Variants in MEI4 observed in about 807,000 individuals in gnomAD.
The protein encoded by MEI4 is meiotic double-stranded break formation protein 4, also known as meiosis-specific protein MEI4.
A neutral mutation model predicts 31.4 loss-of-function variants in MEI4; 27 were observed. The ratio of observed to expected loss-of-function variants is 0.86; its 90% confidence interval spans 0.63 to 1.19. MEI4 has a LOEUF of 1.19. Ranked by LOEUF, MEI4 falls within the 50% of genes most tolerant of loss-of-function variation. MEI4 has a pLI of 0.00. For missense variants in MEI4, 329 were observed against 398.9 expected (o/e 0.82, Z 1.49); for synonymous variants, 122 against 145.4 (o/e 0.84, Z 1.16).
At chr6:77,753,249 A>C (rs1051884419) in intron 2 of MEI4, among the ~76,000 whole-genome samples, 2 of 152,174 alleles carry the variant, frequency 1.3e-5, no homozygotes, top group Non-Finnish European at 2.9e-5. Flanking sequence ...AAAATAGACA[A>C]ATGGGATCTA....
intron 2 of MEI4, among the ~76,000 whole-genome samples, chr6:77,756,999 C>T (rs1330483520): frequency 6.6e-6 from 1 of 152,160 alleles, no homozygotes; most frequent in African/African-American, 2.4e-5. Flanking sequence ...TGGAAATGTA[C>T]AGAAGCTGGA....
chr6:77,865,331 G>A (rs948659332), intron 4 of MEI4, among the ~76,000 whole-genome samples: 1 of 152,072 alleles, frequency 6.6e-6, no homozygotes, highest in African/African-American at 2.4e-5. Flanking sequence ...TAGACTGCTA[G>A]CAAGACCAAT....
chr6:77,826,871 A>G (rs1769964696), intron 3 of MEI4, among the ~76,000 whole-genome samples: 3 of 152,172 alleles, frequency 2.0e-5, no homozygotes, highest in Non-Finnish European at 4.4e-5. Context: ...CACAGTTAAT[A>G]TAGGAAAATT....
chr6:77,880,397 A>AT (rs1012055865), intron 4 of MEI4, among the ~76,000 whole-genome samples: 9 of 151,404 alleles, frequency 5.9e-5, no homozygotes, highest in African/African-American at 1.7e-4. Context: ...CGCCTGGCTA[A>AT]TTTTTTTGTA....
intron 3 of MEI4, among the ~76,000 whole-genome samples, chr6:77,825,172 A>C (rs1348196941): frequency 1.3e-5 from 2 of 152,248 alleles, no homozygotes; most frequent in African/African-American, 4.8e-5. Context: ...TTATAAAATC[A>C]GAAGGCATAT....
At chr6:77,735,800 A>G (rs1428589482) in intron 2 of MEI4, among the ~76,000 whole-genome samples, 1 of 152,104 alleles carries the variant, frequency 6.6e-6, no homozygotes, top group African/African-American at 2.4e-5. Context: ...GGTGACGTAC[A>G]GATGGGTTTT....
chr6:77,750,090 A>C (rs549666853), intron 2 of MEI4, among the ~76,000 whole-genome samples: 1 of 152,334 alleles, frequency 6.6e-6, no homozygotes, highest in East Asian at 1.9e-4. Context: ...TGTCATCACC[A>C]AGCCTGCCTT....
At chr6:77,783,804 C>T (rs754018553) in intron 3 of MEI4, among the ~76,000 whole-genome samples, 3 of 151,992 alleles carry the variant, frequency 2.0e-5, no homozygotes, top group African/African-American at 7.2e-5. Context: ...CAAATCAGAA[C>T]ATTTGAACAG....
chr6:77,727,043 T>G (rs76954147), intron 2 of MEI4, among the ~76,000 whole-genome samples: 3,200 of 152,118 alleles, frequency 0.021, 141 homozygotes, highest in African/African-American at 0.073. Flanking sequence ...ACAATTACAA[T>G]TTTTTTTGGT....
At chr6:77,669,867 G>T (rs1401094777) in intron 1 of MEI4, among the ~76,000 whole-genome samples, 2 of 152,184 alleles carry the variant, frequency 1.3e-5, no homozygotes, top group African/African-American at 4.8e-5. Flanking sequence ...GGTGGAGCCT[G>T]CATTTTAACC....
intron 4 of MEI4, among the ~76,000 whole-genome samples, chr6:77,917,995 G>A (rs1480546681): frequency 1.3e-5 from 2 of 151,770 alleles, no homozygotes; most frequent in African/African-American, 4.8e-5. Flanking sequence ...TGGCTAGCCA[G>A]TTTTCCCATC....
At chr6:77,764,258 T>C (rs1768112854) in intron 3 of MEI4, among the ~76,000 whole-genome samples, 1 of 152,220 alleles carries the variant, frequency 6.6e-6, no homozygotes, top group Non-Finnish European at 1.5e-5. Flanking sequence ...TGTTGGCATA[T>C]AATTGTTCAT....
intron 2 of MEI4, among the ~76,000 whole-genome samples, chr6:77,735,851 C>T (rs533410683): frequency 3.3e-5 from 5 of 152,038 alleles, no homozygotes; most frequent in Admixed American, 6.6e-5. Context: ...TTCCTTCTAA[C>T]AGACAGGACC....
chr6:77,921,263 G>C (rs1356762714), intron 4 of MEI4, among the ~76,000 whole-genome samples: 1 of 151,778 alleles, frequency 6.6e-6, no homozygotes, highest in Non-Finnish European at 1.5e-5. Flanking sequence ...TTATAAAGGT[G>C]GCTTCTTCCC....
Position 77,828,929 on chromosome 6 carries a change from A to G in MEI4, c.769-2A>G. 2.4e-6 allele frequency: 3 copies of G among 1,232,220 alleles called. No individual in the cohort carries two copies. The highest frequency in any genetic ancestry group is 3.0e-6 in the Non-Finnish European group (3 of 987,848). The allele number at this position is 1,232,220 out of a possible 1,614,324, so 76.3% of individuals were successfully genotyped here. A position where few individuals can be genotyped will look rare whatever the true frequency, so the allele number is the denominator to read the frequency against. On this transcript the variant is annotated splice_acceptor_variant, in intron 3 of 4. Coordinates refer to ENST00000684080, the MANE Select transcript of MEI4 (RefSeq NM_001322247.2). LOFTEE classifies it high-confidence loss of function. ...TAGAAACCTACTCATTTTTATCTTT[A>G]GTTTCAGGTGCAGCATTATGTCTCT...
chr6:77,768,069 A>G (rs2127685377), intron 3 of MEI4, among the ~76,000 whole-genome samples: 1 of 152,328 alleles, frequency 6.6e-6, no homozygotes, highest in Non-Finnish European at 1.5e-5. Flanking sequence ...CATGGTTGTT[A>G]TTACTATCTT....
In MEI4 at chr6:77,707,948, G is replaced by T. The variant is rs112561675; in HGVS notation, c.232+17045G>T. 5.2e-3 allele frequency among the ~76,000 whole-genome samples: 789 copies of T among 152,324 alleles called. 7 individuals carry two copies. Among genetic ancestry groups the T allele is most frequent in the African/African-American group, 0.019 (770 of 41,570 alleles). Reference sequence around the variant, plus strand: ...TCAAAGGATGTGTAGGAAAGCTTGGGTACCCAGCCAGAAGCCTGCTACAGG... The same window carrying T: ...TCAAAGGATGTGTAGGAAAGCTTGGTTACCCAGCCAGAAGCCTGCTACAGG... On this transcript the variant is annotated intron_variant, in intron 2 of 4. Coordinates refer to ENST00000684080, the MANE Select transcript of MEI4 (RefSeq NM_001322247.2).
At chr6:77,914,067 A>G (rs1280687030) in intron 4 of MEI4, among the ~76,000 whole-genome samples, 1 of 147,460 alleles carries the variant, frequency 6.8e-6, no homozygotes, top group Non-Finnish European at 1.5e-5. Flanking sequence ...GATGTTTTAT[A>G]TTGTTTATAT....
Position 77,820,541 on chromosome 6 carries a change from C to A in MEI4, c.769-8390C>A, listed in dbSNP as rs1214101122. Among the ~76,000 whole-genome samples the A allele has an allele frequency of 6.6e-6, 1 of 152,218 alleles. No homozygotes were observed. The highest frequency in any genetic ancestry group is 1.5e-5 in the Non-Finnish European group (1 of 68,046). The stretch of plus-strand genomic sequence containing the variant: ...TAGGCCTCCCAAATTGCTGGGATTA[C>A]AGTCATGAGCCACTGTGCCCGGCCG... On this transcript the variant is annotated intron_variant, in intron 3 of 4. Coordinates refer to ENST00000684080, the MANE Select transcript of MEI4 (RefSeq NM_001322247.2). The surrounding 1 kb of genome is among the most constrained non-coding windows in gnomAD (Gnocchi z 4.5).
Sources: gnomAD v4.1 joint callset for allele counts (sites outside exome capture counted in the v4.1 genomes callset) on GRCh38, gnomAD v4.1.1 for gene constraint, Gnocchi (gnomAD v3.1) non-coding constraint, MANE v1.5 for transcripts, NCBI Gene and HGNC (gene_info 2026-07-23, HGNC 2026-07-21) for gene names.